Variants in AGAP1 observed in about 807,000 individuals in gnomAD.
AGAP1 encodes the protein ArfGAP with GTPase domain, ankyrin repeat and PH domain 1.
A neutral mutation model predicts 105.3 loss-of-function variants in AGAP1; 29 were observed. The observed-to-expected ratio is 0.28, with a 90% CI of 0.21 to 0.38. The LOEUF (loss-of-function observed/expected upper bound fraction) is 0.38, where lower values mean the gene tolerates loss of function less well. Among genes scored for constraint, AGAP1 ranks in the 10% least tolerant of loss-of-function variants. The pLI is 1.00. For synonymous variants in AGAP1, 509 were observed against 485.9 expected (o/e 1.05, Z -0.63); for missense variants, 998 against 1,165.1 (o/e 0.86, Z 2.09).
chr2:235,601,207 G>A lies in AGAP1; in HGVS notation c.163+106358G>A, dbSNP rs1035168372. 4.6e-5 allele frequency among the ~76,000 whole-genome samples: 7 copies of A among 152,184 alleles called. No homozygotes were observed. The highest frequency in any genetic ancestry group is 7.2e-5 in the African/African-American group (3 of 41,438). On this transcript the variant is annotated intron_variant, in intron 1 of 17. Transcript: ENST00000304032. The surrounding 1 kb of genome is among the most constrained non-coding windows in gnomAD (Gnocchi z 4.4). The stretch of plus-strand genomic sequence containing the variant: ...GTTGAAAGTCCAAGGTCAAGGTGGC[G>A]TTTCTGGTGGGGCCCCTCTTTCTGG...
chr2:236,088,324 C>G (rs965485986), intron 16 of AGAP1, among the ~76,000 whole-genome samples: 1 of 152,224 alleles, frequency 6.6e-6, no homozygotes, highest in African/African-American at 2.4e-5. Flanking sequence ...GAAGAAACAG[C>G]CAGATAGCTC....
chr2:235,523,854 G>A (rs1942722881), intron 1 of AGAP1, among the ~76,000 whole-genome samples: 1 of 151,848 alleles, frequency 6.6e-6, no homozygotes, highest in Admixed American at 6.6e-5. Flanking sequence ...CGGTGGTCTT[G>A]GATTGAATGG....
chr2:235,576,621 C>T (rs373009574), intron 1 of AGAP1, among the ~76,000 whole-genome samples: 2 of 152,318 alleles, frequency 1.3e-5, no homozygotes, highest in East Asian at 1.9e-4. Flanking sequence ...GCTGCTAGAA[C>T]CTCAGGGGCC....
rs1440139013 is a variant in AGAP1, at chr2:235,716,949, C to T, written c.223-608C>T. Among the ~76,000 whole-genome samples, 2 of 152,142 alleles carry T rather than the reference C, an allele frequency of 1.3e-5. No individual in the cohort carries two copies. Among genetic ancestry groups the T allele is most frequent in the African/African-American group, 4.8e-5 (2 of 41,440 alleles). ...TTGCCGTCTCTCCCAGCAGCCCTGG[C>T]ACTGTCCCCTTTTTCTCGGAGATGC... is the stretch of plus-strand genomic sequence containing the variant. On this transcript the variant is annotated intron_variant, in intron 2 of 17. Transcript: ENST00000304032. The surrounding 1 kb of genome is among the most constrained non-coding windows in gnomAD (Gnocchi z 4.0).
At position 235,891,916 on chromosome 2, in the gene AGAP1, G is replaced by A. The variant is rs567220191; in HGVS notation, c.1155+8467G>A. Among the ~76,000 whole-genome samples the A allele has an allele frequency of 1.6e-3, 250 of 152,302 alleles. 3 individuals carry two copies. Among genetic ancestry groups the A allele is most frequent in the African/African-American group, 5.8e-3 (243 of 41,558 alleles). The stretch of plus-strand genomic sequence containing the variant: ...CACCTGTAATCCCAGCACTTTGGGA[G>A]GCTGAGGTGGATGGATCACCTGAGG... On this transcript the variant is annotated intron_variant, in intron 10 of 17. Transcript: ENST00000304032. The surrounding 1 kb of genome is among the most constrained non-coding windows in gnomAD (Gnocchi z 4.2).
At chr2:235,833,819 G>A (rs1381597267) in intron 9 of AGAP1, among the ~76,000 whole-genome samples, 1 of 148,382 alleles carries the variant, frequency 6.7e-6, no homozygotes, top group East Asian at 2.0e-4. Context: ...TCTATGAAAT[G>A]ATCCTAAGTG....
In AGAP1 at chr2:235,934,304, C is replaced by T. The variant is rs1056776299; in HGVS notation, c.1483+3381C>T. ...CACTTCCCAAAGCCTGGTCCACGGA[C>T]CAAGTGGCATTTGACAGCTCCGGGG... On this transcript the variant is annotated intron_variant, in intron 12 of 17. Coordinates refer to ENST00000304032, the MANE Select transcript of AGAP1 (RefSeq NM_001037131.3). The surrounding 1 kb of genome is among the most constrained non-coding windows in gnomAD (Gnocchi z 4.9). Among the ~76,000 whole-genome samples, 6 of 152,202 alleles carry T rather than the reference C, an allele frequency of 3.9e-5. 1 individual carries two copies. In the South Asian group the frequency reaches 1.2e-3, roughly 32 times the overall value.
intron 2 of AGAP1, among the ~76,000 whole-genome samples, chr2:235,711,671 ATCAGCGGGCAC>A (rs2149522310): frequency 6.6e-6 from 1 of 152,262 alleles, no homozygotes; most frequent in East Asian, 1.9e-4. Context: ...TTGTTGTGGC[ATCAGCGGGCAC>A]TCGTCCTCAT....
At chr2:235,885,116 A>G (rs748916166) in intron 10 of AGAP1, among the ~76,000 whole-genome samples, 14 of 152,210 alleles carry the variant, frequency 9.2e-5, no homozygotes, top group Non-Finnish European at 1.9e-4. Context: ...CATTCCTAAA[A>G]TACCACCTAG....
chr2:236,111,495 TAAAAA>T (rs34157824), intron 16 of AGAP1, among the ~76,000 whole-genome samples: 3 of 128,504 alleles, frequency 2.3e-5, no homozygotes, highest in African/African-American at 7.7e-5. Flanking sequence ...GACCCTGTCT[TAAAAA>T]AAAAAAGAGA....
intron 10 of AGAP1, among the ~76,000 whole-genome samples, chr2:235,907,320 C>T (rs184692082): frequency 6.6e-5 from 10 of 152,268 alleles, no homozygotes; most frequent in African/African-American, 2.4e-4. Context: ...TCTAAAATTA[C>T]GTTGGCTGAG....
At chr2:235,632,932 G>C in intron 1 of AGAP1, among the ~76,000 whole-genome samples, 1 of 152,178 alleles carries the variant, frequency 6.6e-6, no homozygotes, top group East Asian at 1.9e-4. Flanking sequence ...GAAAAAGGAA[G>C]ACGACCTCTT....
In AGAP1 at chr2:235,608,907, C is replaced by A. The variant is rs1946037058; in HGVS notation, c.164-100272C>A. ...TGACCGTAAAACCTTTCAGCTTGTTCTTGACTTCCCCCCCATCCCTAATAC... is the reference window on the plus strand; with the variant it reads ...TGACCGTAAAACCTTTCAGCTTGTTATTGACTTCCCCCCCATCCCTAATAC... On this transcript the variant is annotated intron_variant, in intron 1 of 17. Coordinates refer to ENST00000304032, the MANE Select transcript of AGAP1 (RefSeq NM_001037131.3). The surrounding 1 kb of genome is among the most constrained non-coding windows in gnomAD (Gnocchi z 5.4). 2.0e-5 allele frequency among the ~76,000 whole-genome samples: 3 copies of A among 152,030 alleles called. No homozygotes were observed. Among genetic ancestry groups the A allele is most frequent in the Admixed American group, 2.0e-4 (3 of 15,244 alleles).
Position 236,035,969 on chromosome 2 carries a change from CCCCA to C in AGAP1, c.1646-591_1646-588del, listed in dbSNP as rs1559212603. 6.6e-6 allele frequency among the ~76,000 whole-genome samples: 1 copy of C among 152,004 alleles called. No individual in the cohort carries two copies. Among genetic ancestry groups the C allele is most frequent in the African/African-American group, 2.4e-5 (1 of 41,410 alleles). On this transcript the variant is annotated intron_variant, in intron 13 of 17. Transcript: ENST00000304032. This position sits in a 1 kb window ranked among gnomAD's most constrained non-coding sequence, Gnocchi z 4.2. ...TCCTCTCTTCCCATTGCAGACATGG[CCCCA>C]GAGTAGCTACCAAGTCTGGGGCCTG...
chr2:235,772,323 A>G (rs1185330253), intron 6 of AGAP1, among the ~76,000 whole-genome samples: 1 of 152,106 alleles, frequency 6.6e-6, no homozygotes, highest in Non-Finnish European at 1.5e-5. Flanking sequence ...GCTAATGACA[A>G]GACAAGCAGA....
At chr2:235,706,167 A>C (rs1950522790) in intron 1 of AGAP1, among the ~76,000 whole-genome samples, 1 of 152,174 alleles carries the variant, frequency 6.6e-6, no homozygotes, top group Non-Finnish European at 1.5e-5. Context: ...ATTTTACCAG[A>C]AATAGTCTCA....
chr2:236,030,608 A>G (rs1434036572), intron 13 of AGAP1, among the ~76,000 whole-genome samples: 1 of 152,174 alleles, frequency 6.6e-6, no homozygotes, highest in Non-Finnish European at 1.5e-5. Context: ...TTAGCACTTT[A>G]GGCTCACAAT....
Position 235,664,091 on chromosome 2 carries a change from C to T in AGAP1, c.164-45088C>T, listed in dbSNP as rs1948050548. 6.6e-6 allele frequency among the ~76,000 whole-genome samples: 1 copy of T among 152,188 alleles called. No individual in the cohort carries two copies. Among genetic ancestry groups the T allele is most frequent in the Non-Finnish European group, 1.5e-5 (1 of 68,026 alleles). On this transcript the variant is annotated intron_variant, in intron 1 of 17. Transcript: ENST00000304032. This position sits in a 1 kb window ranked among gnomAD's most constrained non-coding sequence, Gnocchi z 5.7. ...GGTGACTCCGTAGCTGTGGCCAGTG[C>T]CTGGCAGCTAGCGAGTGGCCAGAAC...
chr2:236,019,469 A>T (rs1275067485), intron 13 of AGAP1, among the ~76,000 whole-genome samples: 1 of 152,226 alleles, frequency 6.6e-6, no homozygotes, highest in Non-Finnish European at 1.5e-5. Flanking sequence ...CCGCATCCTC[A>T]GTGCTGAGAA....
Sources: gnomAD v4.1 joint callset for allele counts (sites outside exome capture counted in the v4.1 genomes callset) on GRCh38, gnomAD v4.1.1 for gene constraint, Gnocchi (gnomAD v3.1) non-coding constraint, MANE v1.5 for transcripts, NCBI Gene and HGNC (gene_info 2026-07-23, HGNC 2026-07-21) for gene names.